HIVEP3: variants seen among roughly 807,000 people sequenced by gnomAD.
The protein encoded by HIVEP3 is transcription factor HIVEP3.
A neutral mutation model predicts 152.8 loss-of-function variants in HIVEP3; 49 were observed. The ratio of observed to expected loss-of-function variants is 0.32; its 90% CI spans 0.26 to 0.41. The LOEUF (loss-of-function observed/expected upper bound fraction) is 0.41. Ranked by LOEUF, HIVEP3 falls within the 10% of genes least tolerant of loss-of-function variation. The probability of loss-of-function intolerance (pLI) is 1.00; values close to 1 mark genes in which losing one functional copy is unlikely to be tolerated. For missense variants in HIVEP3, 2,790 were observed against 3,103.3 expected (o/e 0.90, Z 2.40); for synonymous variants, 1,269 against 1,289.0 (o/e 0.98, Z 0.33).
intron 1 of HIVEP3, among the ~76,000 whole-genome samples, chr1:41,977,032 T>C (rs1645263279): frequency 6.6e-6 from 1 of 152,182 alleles, no homozygotes; most frequent in Non-Finnish European, 1.5e-5. Flanking sequence ...GTACTCAACA[T>C]ATCTCTAATG....
chr1:41,753,110 C>T (rs1045276721), intron 1 of HIVEP3, among the ~76,000 whole-genome samples: 1 of 152,206 alleles, frequency 6.6e-6, no homozygotes, highest in Non-Finnish European at 1.5e-5. Flanking sequence ...TGGCAGGTAA[C>T]TTGGCAAAGA....
intron 2 of HIVEP3, among the ~76,000 whole-genome samples, chr1:41,654,865 A>T (rs1645606201): frequency 6.6e-6 from 1 of 152,168 alleles, no homozygotes; most frequent in African/African-American, 2.4e-5. Flanking sequence ...TTGAGTGTCC[A>T]TTCTGCCCCT....
chr1:41,727,544 A>C (rs1355304088), intron 1 of HIVEP3, among the ~76,000 whole-genome samples: 2 of 152,252 alleles, frequency 1.3e-5, no homozygotes, highest in African/African-American at 2.4e-5. Flanking sequence ...AGCAGAAACT[A>C]AAACAAGTGA....
intron 1 of HIVEP3, among the ~76,000 whole-genome samples, chr1:41,712,333 G>T (rs550902246): frequency 6.6e-6 from 1 of 152,254 alleles, no homozygotes; most frequent in African/African-American, 2.4e-5. Context: ...CTGCTTGTGC[G>T]CACCAGGCAC....
intron 2 of HIVEP3, among the ~76,000 whole-genome samples, chr1:41,638,254 G>GAA (rs1558136836): frequency 3.5e-5 from 4 of 112,710 alleles, no homozygotes; most frequent in African/African-American, 1.4e-4. Context: ...TAAAGAAAGA[G>GAA]AGAGAAAGAA....
intron 1 of HIVEP3, among the ~76,000 whole-genome samples, chr1:41,863,718 T>C (rs1643918792): frequency 6.6e-6 from 1 of 152,214 alleles, no homozygotes; most frequent in African/African-American, 2.4e-5. Flanking sequence ...TGTATGTAAA[T>C]TAGATCCTAG....
Position 41,668,826 on chromosome 1 carries a change from T to C in HIVEP3, c.-721+32090A>G, listed in dbSNP as rs1645832635. On this transcript the variant is annotated intron_variant, in intron 2 of 8. Coordinates refer to ENST00000372583, the MANE Select transcript of HIVEP3 (RefSeq NM_024503.5). ...TTTGTATATACCATCAAAATATTTC[T>C]CACATTATAGTAAAGTATTTGTGTC... is the stretch of plus-strand genomic sequence containing the variant. Among the ~76,000 whole-genome samples the C allele has an allele frequency of 2.6e-5, 4 of 152,378 alleles. No individual in the cohort carries two copies. In the South Asian group the frequency reaches 8.3e-4, roughly 32 times the overall value.
At chr1:41,961,645 A>C (rs1323302823) in intron 1 of HIVEP3, among the ~76,000 whole-genome samples, 1 of 152,280 alleles carries the variant, frequency 6.6e-6, no homozygotes, top group Non-Finnish European at 1.5e-5. Flanking sequence ...ATAAATGCTC[A>C]TAACTGTACA....
At chr1:41,932,970 T>C (rs1645002783) in intron 1 of HIVEP3, among the ~76,000 whole-genome samples, 1 of 151,976 alleles carries the variant, frequency 6.6e-6, no homozygotes, top group East Asian at 1.9e-4. Flanking sequence ...CTCCATACAT[T>C]TGAAGATTTT....
Position 41,700,931 on chromosome 1 carries a change from C to T in HIVEP3, c.-736G>A, listed in dbSNP as rs1048259241. The stretch of plus-strand genomic sequence containing the variant: ...GAGGGCTCACCTGCCAAAAACCAGC[C>T]GTGGTCTCATGGTCAAGATGTGTCA... On this transcript the variant is annotated 5_prime_UTR_variant, in exon 2 of 9. Coordinates refer to ENST00000372583, the MANE Select transcript of HIVEP3 (RefSeq NM_024503.5). 9 of 985,364 alleles carry T rather than the reference C, an allele frequency of 9.1e-6. No individual in the cohort carries two copies. The highest frequency in any genetic ancestry group is 8.4e-6 in the Non-Finnish European group (7 of 830,014). The allele number at this position is 985,364 out of a possible 1,614,324, so 61.0% of individuals were successfully genotyped here.
chr1:41,905,858 T>C (rs1644700566), intron 1 of HIVEP3, among the ~76,000 whole-genome samples: 1 of 152,150 alleles, frequency 6.6e-6, no homozygotes, highest in South Asian at 2.1e-4. Context: ...GGTGACAGGC[T>C]AGCAGGCACA....
chr1:41,573,277 A>G (rs1644278184), intron 5 of HIVEP3, among the ~76,000 whole-genome samples: 1 of 152,196 alleles, frequency 6.6e-6, no homozygotes, highest in Admixed American at 6.5e-5. Context: ...AGGCTGGTGG[A>G]ATGGAAGGTC....
intron 2 of HIVEP3, among the ~76,000 whole-genome samples, chr1:41,689,288 T>C (rs1017712935): frequency 2.6e-5 from 4 of 152,142 alleles, no homozygotes; most frequent in African/African-American, 9.7e-5. Flanking sequence ...CTGGCCTCCC[T>C]CGGCCTCCAC....
chr1:41,523,764 G>A (rs1466665372), intron 6 of HIVEP3, among the ~76,000 whole-genome samples: 6 of 152,178 alleles, frequency 3.9e-5, no homozygotes, highest in African/African-American at 1.4e-4. Flanking sequence ...CTGAGAAACC[G>A]TGGGGCTCCC....
chr1:41,782,198 G>A (rs947368242), intron 1 of HIVEP3, among the ~76,000 whole-genome samples: 2 of 152,194 alleles, frequency 1.3e-5, no homozygotes, highest in South Asian at 4.1e-4. Flanking sequence ...AGAGAAATAC[G>A]CCAGTCACAA....
chr1:41,932,557 A>G (rs1645001123), intron 1 of HIVEP3, among the ~76,000 whole-genome samples: 3 of 151,726 alleles, frequency 2.0e-5, no homozygotes, highest in Non-Finnish European at 4.4e-5. Flanking sequence ...GATAATTTGT[A>G]TCTTCTTTTT....
intron 1 of HIVEP3, among the ~76,000 whole-genome samples, chr1:41,972,520 G>T (rs1645235629): frequency 6.6e-6 from 1 of 152,210 alleles, no homozygotes; most frequent in Non-Finnish European, 1.5e-5. Flanking sequence ...ACATTAAACT[G>T]CCTTCCATGC....
At chr1:41,934,737 TAAGTA>T (rs1020699494) in intron 1 of HIVEP3, among the ~76,000 whole-genome samples, 12 of 152,126 alleles carry the variant, frequency 7.9e-5, no homozygotes, top group African/African-American at 2.7e-4. Context: ...CTATAGGAGT[TAAGTA>T]AAGTACAAAT....
chr1:41,642,079 A>G (rs144701444), intron 2 of HIVEP3, among the ~76,000 whole-genome samples: 2,498 of 152,278 alleles, frequency 0.016, 32 homozygotes, highest in Non-Finnish European at 0.022. Context: ...ATGAATGGAC[A>G]AGGATTTCCT....
Sources: allele counts gnomAD v4.1 joint callset (sites outside exome capture counted in the v4.1 genomes callset), GRCh38; gene constraint gnomAD v4.1.1; transcripts MANE v1.5; gene names NCBI Gene and HGNC (gene_info 2026-07-23, HGNC 2026-07-21).